The following CC2D2A variants were observed in gnomAD, a reference collection of about 807,000 sequenced individuals.
CC2D2A encodes coiled-coil and C2 domain-containing protein 2A.
CC2D2A carries 155 observed loss-of-function variants against 212.9 expected under a neutral mutation model. The observed-to-expected ratio is 0.73, with a 90% CI of 0.64 to 0.83. The LOEUF (loss-of-function observed/expected upper bound fraction) is 0.83, where lower values mean the gene tolerates loss of function less well. CC2D2A is among the 40% of genes least tolerant of loss of function. CC2D2A has a pLI of 0.00. For synonymous variants in CC2D2A, 667 were observed against 686.5 expected, an observed-to-expected ratio of 0.97 and a Z score of 0.44; for missense variants, 1,856 against 1,956.2, an observed-to-expected ratio of 0.95 and a Z score of 0.97.
intron 4 of CC2D2A, 85 bp from the exon 5 acceptor site, chr4:15,502,344 G>T: frequency 9.8e-7 from 1 of 1,018,694 alleles, no homozygotes; most frequent in Non-Finnish European, 1.4e-6. Flanking sequence ...CTTTTGGGGG[G>T]AGGGAATTGT....
chr4:15,559,621 G>A (rs1452883979), intron 22 of CC2D2A, among the ~76,000 whole-genome samples: 1 of 152,032 alleles, frequency 6.6e-6, no homozygotes, highest in Non-Finnish European at 1.5e-5. Flanking sequence ...CTGCCCTTAT[G>A]CACTAGAAAA....
intron 14 of CC2D2A, among the ~76,000 whole-genome samples, chr4:15,534,391 TATAG>T (rs1430475880): frequency 6.6e-6 from 1 of 152,242 alleles, no homozygotes; most frequent in East Asian, 1.9e-4. Context: ...CCCTGAGTCA[TATAG>T]ATATTCTATG....
At chr4:15,486,629 C>T (rs1383859544) in intron 4 of CC2D2A, among the ~76,000 whole-genome samples, 1 of 151,780 alleles carries the variant, frequency 6.6e-6, no homozygotes, top group African/African-American at 2.4e-5. Flanking sequence ...ATCTTTTCTA[C>T]TTTTTATTAA....
chr4:15,581,911 A>T (rs1024723189), intron 30 of CC2D2A, among the ~76,000 whole-genome samples: 2 of 152,226 alleles, frequency 1.3e-5, no homozygotes, highest in Non-Finnish European at 2.9e-5. Context: ...TCCAAGAAAC[A>T]TGAACATACA....
intron 17 of CC2D2A, 133 bp from the exon 18 acceptor site, chr4:15,550,691 C>A: frequency 1.8e-6 from 1 of 555,144 alleles, no homozygotes; most frequent in Non-Finnish European, 2.9e-6. Context: ...CACAACTCAA[C>A]TTTCCACAAT....
At chr4:15,567,922 A>G in intron 26 of CC2D2A, 136 bp downstream of exon 26, 1 of 610,004 alleles carries the variant, frequency 1.6e-6, no homozygotes, top group East Asian at 3.2e-5. Flanking sequence ...CCTGACGCCA[A>G]GTCCCATGCT....
At chr4:15,484,117 ACAG>A (rs1209511653) in intron 4 of CC2D2A, among the ~76,000 whole-genome samples, 1 of 152,252 alleles carries the variant, frequency 6.6e-6, no homozygotes, top group Non-Finnish European at 1.5e-5. Flanking sequence ...AACATAGAGT[ACAG>A]CAGGTGTGAG....
intron 1 of CC2D2A, among the ~76,000 whole-genome samples, chr4:15,470,679 CTCTCTCTCTCTATATATATA>C (rs1195879218): frequency 1.7e-3 from 121 of 70,302 alleles, no homozygotes; most frequent in Admixed American, 3.4e-3. Context: ...CTCTCTCTCT[CTCTCTCTCTCTATATATATA>C]TATATATATA....
chr4:15,537,836 A>C (rs1718214864), intron 15 of CC2D2A, 63 bp from the exon 16 acceptor site: 2 of 1,510,626 alleles, frequency 1.3e-6, no homozygotes, highest in Admixed American at 4.0e-5. Context: ...GGCTATGAAG[A>C]CTGTGCTCTT....
Position 15,574,224 on chromosome 4 carries a change from G to A in CC2D2A, c.3669G>A (p.Glu1223=). ...GYSKERNMIL[E]RGFDSVRSLS... Reference sequence around the variant, plus strand: ...GTAAGGAGCGAAATATGATTCTTGAGCGGGGTTTTGATTCTGTCCGAAGCT... The same window carrying A: ...GTAAGGAGCGAAATATGATTCTTGAACGGGGTTTTGATTCTGTCCGAAGCT... Residue 1223 remains glutamate (E), a synonymous_variant, in exon 29 of 37, where the codon GAG becomes GAA. Coordinates refer to ENST00000424120, the MANE Select transcript of CC2D2A (RefSeq NM_001378615.1). The A allele has an allele frequency of 6.4e-7, 1 of 1,551,492 alleles. No individual in the cohort carries two copies. Among genetic ancestry groups the A allele is most frequent in the Non-Finnish European group, 8.7e-7 (1 of 1,146,852 alleles).
rs143638175 is a variant in CC2D2A at position 15,489,015 on chromosome 4, C to A, written c.247+8188C>A. Among the ~76,000 whole-genome samples the A allele has an allele frequency of 4.2e-4, 64 of 152,296 alleles. 1 individual carries two copies. In the East Asian group the frequency reaches 0.011, roughly 27 times the overall value. On this transcript the variant is annotated intron_variant, in intron 4 of 36. Transcript: ENST00000424120. ...CACTCCCCCATGATTCCATCTTGCACCATCTCTTGAGGGAGTAACTATCAC... is the reference window on the plus strand; with the variant it reads ...CACTCCCCCATGATTCCATCTTGCAACATCTCTTGAGGGAGTAACTATCAC...
At position 15,490,817 on chromosome 4, in the gene CC2D2A, C is replaced by T. The variant is rs1715259744; in HGVS notation, c.247+9990C>T. Among the ~76,000 whole-genome samples the T allele has an allele frequency of 2.0e-5, 3 of 152,052 alleles. No homozygotes were observed. The South Asian group carries it at 6.2e-4, about 32-fold the overall frequency. ...TGGGCCTGGTAGTTAAAGATCGACC[C>T]CTGACCTAATTGGTTATTTTCATAA... On this transcript the variant is annotated intron_variant, in intron 4 of 36. Transcript: ENST00000424120.
At chr4:15,598,727 C>A (rs1018077873) in intron 35 of CC2D2A, among the ~76,000 whole-genome samples, 1 of 152,190 alleles carries the variant, frequency 6.6e-6, no homozygotes, top group Non-Finnish European at 1.5e-5. Flanking sequence ...ATTCACTATT[C>A]ATGATGTGAA....
intron 14 of CC2D2A, among the ~76,000 whole-genome samples, chr4:15,534,422 C>A (rs1718014768): frequency 6.6e-6 from 1 of 152,128 alleles, no homozygotes; most frequent in Non-Finnish European, 1.5e-5. Context: ...TCTCCTATAA[C>A]CTTTATAATT....
Position 15,503,499 on chromosome 4 carries a change from G to T in CC2D2A, c.438+576G>T, listed in dbSNP as rs148576908. 2.7e-3 allele frequency among the ~76,000 whole-genome samples: 413 copies of T among 152,272 alleles called. 3 individuals carry two copies. The highest frequency in any genetic ancestry group is 5.3e-3 in the Non-Finnish European group (360 of 68,022). On this transcript the variant is annotated intron_variant, in intron 6 of 36. Transcript: ENST00000424120. ...CCCTGGGTCACAGAGCATACATGTG[G>T]AAGAGTTGGGATTTGATCCCAGCTC...
In CC2D2A at chr4:15,601,341, T is replaced by C. The variant is rs750665819; in HGVS notation, c.4779T>C (p.Phe1593=). 1.2e-6 allele frequency: 2 copies of C among 1,610,428 alleles called. No homozygotes were observed. Among genetic ancestry groups the C allele is most frequent in the Non-Finnish European group, 1.7e-6 (2 of 1,177,882 alleles). The part of the protein sequence containing the change: ...VHNIDVPNVE[F]ALAVYIHPYP... ...ATATTGATGTTCCTAATGTTGAATT[T>C]GCTTTAGCTGTATACATACACCCAT... The change falls in exon 37 of 37, where the codon TTT becomes TTC. Residue 1593 remains phenylalanine (F), a synonymous_variant. Coordinates refer to ENST00000424120, the MANE Select transcript of CC2D2A (RefSeq NM_001378615.1).
chr4:15,509,844 C>A (rs1007689935), intron 6 of CC2D2A, among the ~76,000 whole-genome samples: 3 of 152,110 alleles, frequency 2.0e-5, no homozygotes, highest in Non-Finnish European at 2.9e-5. Context: ...TTTCTAAATA[C>A]CATAGCAATG....
intron 33 of CC2D2A, among the ~76,000 whole-genome samples, chr4:15,592,102 T>C (rs781664665): frequency 2.0e-5 from 3 of 152,186 alleles, no homozygotes; most frequent in Non-Finnish European, 4.4e-5. Context: ...TTTTTCCTCC[T>C]GTCATTCCTT....
chr4:15,474,997 C>A (rs999564206), intron 1 of CC2D2A, among the ~76,000 whole-genome samples: 1 of 152,042 alleles, frequency 6.6e-6, no homozygotes, highest in Non-Finnish European at 1.5e-5. Flanking sequence ...TTTTTTTGGC[C>A]GGGCACGGTG....
Sources: allele counts gnomAD v4.1 joint callset (sites outside exome capture counted in the v4.1 genomes callset), GRCh38; gene constraint gnomAD v4.1.1; transcripts MANE v1.5; gene names NCBI Gene and HGNC (gene_info 2026-07-23, HGNC 2026-07-21).